Variants in TCERG1L observed in about 807,000 individuals in gnomAD.
TCERG1L encodes the protein transcription elongation regulator 1-like protein.
Under a neutral mutation model 56.3 loss-of-function variants are expected in TCERG1L, and 37 were observed. The observed-to-expected ratio is 0.66, with a 90% CI of 0.51 to 0.87. The LOEUF (loss-of-function observed/expected upper bound fraction) is 0.87, where lower values mean the gene tolerates loss of function less well. Ranked by LOEUF, TCERG1L falls within the 40% of genes least tolerant of loss-of-function variation. The probability of loss-of-function intolerance (pLI) is 0.00; values close to 1 mark genes in which losing one functional copy is unlikely to be tolerated. For synonymous variants in TCERG1L, 324 were observed against 326.3 expected (o/e 0.99, Z 0.08); for missense variants, 799 against 774.2 (o/e 1.03, Z -0.38).
At chr10:131,287,247 G>C (rs541510445) in intron 3 of TCERG1L, among the ~76,000 whole-genome samples, 17 of 152,292 alleles carry the variant, frequency 1.1e-4, no homozygotes, top group African/African-American at 4.1e-4. Context: ...AAAGTCCATA[G>C]TTGTCATGGA....
At chr10:131,165,536 A>G (rs1203998028) in intron 5 of TCERG1L, among the ~76,000 whole-genome samples, 2 of 152,200 alleles carry the variant, frequency 1.3e-5, no homozygotes, top group Admixed American at 1.3e-4. Context: ...AATTGGCATA[A>G]CAGAGCATTC....
intron 3 of TCERG1L, among the ~76,000 whole-genome samples, chr10:131,282,817 T>G (rs1210050238): frequency 1.3e-5 from 2 of 152,218 alleles, no homozygotes; most frequent in African/African-American, 4.8e-5. Context: ...GGAATGTACA[T>G]TCTTACCTGC....
At chr10:131,205,263 T>C (rs1845506185) in intron 4 of TCERG1L, among the ~76,000 whole-genome samples, 1 of 152,092 alleles carries the variant, frequency 6.6e-6, no homozygotes, top group Non-Finnish European at 1.5e-5. Context: ...GCACGCCTCA[T>C]TGTGAGGCAC....
intron 6 of TCERG1L, among the ~76,000 whole-genome samples, chr10:131,152,300 C>T (rs9633659): frequency 0.27 from 40,845 of 152,108 alleles, 6,010 homozygotes; most frequent in Admixed American, 0.36. Flanking sequence ...CCTAAATCAT[C>T]TCTCTCAAGT....
chr10:131,275,045 C>T (rs752188157), intron 3 of TCERG1L, among the ~76,000 whole-genome samples: 10 of 152,174 alleles, frequency 6.6e-5, no homozygotes, highest in Non-Finnish European at 1.5e-4. Context: ...GATCCATACT[C>T]AAAGGTGCCC....
rs114143450 is a variant in TCERG1L at position 131,194,948 on chromosome 10, G to A, written c.857-28063C>T. 5.4e-3 allele frequency among the ~76,000 whole-genome samples: 822 copies of A among 152,196 alleles called. 5 individuals are homozygous for A. The highest frequency in any genetic ancestry group is 0.019 in the African/African-American group (771 of 41,530). On this transcript the variant is annotated intron_variant, in intron 4 of 11. Coordinates refer to ENST00000368642, the MANE Select transcript of TCERG1L (RefSeq NM_174937.4). The stretch of plus-strand genomic sequence containing the variant: ...CAATAAATACTGCTGGTAAGATTTG[G>A]CTGCTGATACACATGTGCCACTAAA...
intron 7 of TCERG1L, among the ~76,000 whole-genome samples, chr10:131,143,251 G>A (rs929924844): frequency 3.9e-5 from 6 of 152,130 alleles, no homozygotes; most frequent in African/African-American, 9.7e-5. Context: ...GGGGTTGCAC[G>A]CACCCAGGGT....
At chr10:131,202,184 C>T (rs141235209) in intron 4 of TCERG1L, among the ~76,000 whole-genome samples, 62 of 152,356 alleles carry the variant, frequency 4.1e-4, no homozygotes, top group Non-Finnish European at 7.1e-4. Context: ...AGAACGTACA[C>T]GCTCAACTGA....
At chr10:131,117,452 G>A (rs1845470871) in intron 8 of TCERG1L, among the ~76,000 whole-genome samples, 1 of 152,238 alleles carries the variant, frequency 6.6e-6, no homozygotes, top group Non-Finnish European at 1.5e-5. Context: ...TAACCCCAAA[G>A]GGAAACTTCA....
At chr10:131,191,480 T>C (rs1207582311) in intron 4 of TCERG1L, among the ~76,000 whole-genome samples, 6 of 143,540 alleles carry the variant, frequency 4.2e-5, no homozygotes, top group African/African-American at 1.3e-4. Flanking sequence ...GACCTCAAAT[T>C]ATACTATAAT....
intron 4 of TCERG1L, among the ~76,000 whole-genome samples, chr10:131,212,964 T>C (rs1845633132): frequency 1.3e-5 from 2 of 152,230 alleles, no homozygotes; most frequent in South Asian, 4.1e-4. Flanking sequence ...CAGCTGCGGA[T>C]TGACCTGCAC....
intron 4 of TCERG1L, among the ~76,000 whole-genome samples, chr10:131,206,429 C>T (rs1845528021): frequency 6.6e-6 from 1 of 152,204 alleles, no homozygotes; most frequent in African/African-American, 2.4e-5. Context: ...CCTGCCTCAC[C>T]TGAGCCTTCC....
intron 4 of TCERG1L, among the ~76,000 whole-genome samples, chr10:131,231,693 G>A (rs886333713): frequency 1.3e-5 from 2 of 152,214 alleles, no homozygotes; most frequent in African/African-American, 4.8e-5. Flanking sequence ...CTGTGGGAGA[G>A]AGATGAAGCC....
chr10:131,130,722 A>G (rs1339350851), intron 8 of TCERG1L, among the ~76,000 whole-genome samples: 1 of 152,166 alleles, frequency 6.6e-6, no homozygotes, highest in East Asian at 1.9e-4. Context: ...GTAGTGATAC[A>G]GTGAGCCAAA....
rs901939224 is a variant in TCERG1L at position 131,244,197 on chromosome 10, G to A, written c.856+16062C>T. Among the ~76,000 whole-genome samples, 10 of 152,304 alleles carry A rather than the reference G, an allele frequency of 6.6e-5. No individual in the cohort carries two copies. In the East Asian group the frequency reaches 1.4e-3, roughly 21 times the overall value. On this transcript the variant is annotated intron_variant, in intron 4 of 11. Transcript: ENST00000368642. ...CGTGGGGTGGAGGCCCGGGGTCCTGGGGCAGGAGGCCCTTGCTCATCACCA... is the reference window on the plus strand; with the variant it reads ...CGTGGGGTGGAGGCCCGGGGTCCTGAGGCAGGAGGCCCTTGCTCATCACCA...
At chr10:131,266,308 G>A (rs777050267) in intron 3 of TCERG1L, among the ~76,000 whole-genome samples, 25 of 152,198 alleles carry the variant, frequency 1.6e-4, no homozygotes, top group Non-Finnish European at 3.1e-4. Context: ...CATGAGAGTT[G>A]AAATCAGCTT....
At chr10:131,227,480 C>T (rs953607924) in intron 4 of TCERG1L, among the ~76,000 whole-genome samples, 1 of 152,204 alleles carries the variant, frequency 6.6e-6, no homozygotes, top group African/African-American at 2.4e-5. Flanking sequence ...GAGCCACCGC[C>T]TCCCCGCTTC....
chr10:131,166,408 A>G (rs1252532516), intron 5 of TCERG1L, among the ~76,000 whole-genome samples: 1 of 152,288 alleles, frequency 6.6e-6, no homozygotes, highest in African/African-American at 2.4e-5. Flanking sequence ...TTAAAACGCC[A>G]TTTGGCAAGC....
At chr10:131,175,333 G>C (rs866305520) in intron 4 of TCERG1L, among the ~76,000 whole-genome samples, 2 of 152,222 alleles carry the variant, frequency 1.3e-5, no homozygotes, top group African/African-American at 4.8e-5. Context: ...CACCCGGTGC[G>C]GCACGCTTGC....
Sources: gnomAD v4.1 joint callset for allele counts (sites outside exome capture counted in the v4.1 genomes callset) on GRCh38, gnomAD v4.1.1 for gene constraint, MANE v1.5 for transcripts, NCBI Gene and HGNC (gene_info 2026-07-23, HGNC 2026-07-21) for gene names.